Variants in VTI1A observed in about 807,000 individuals in gnomAD.
VTI1A encodes vesicle transport through interaction with t-SNAREs 1A, also known as vesicle transport through interaction with t-SNAREs homolog 1A.
In VTI1A, 22 loss-of-function variants were observed where a neutral mutation model predicts 34.9. The ratio of observed to expected loss-of-function variants is 0.63; its 90% CI spans 0.45 to 0.90. The LOEUF is 0.90. Among genes scored for constraint, VTI1A ranks in the 40% least tolerant of loss-of-function variants. The pLI is 0.00. For missense variants in VTI1A, 268 were observed against 275.6 expected, an observed-to-expected ratio of 0.97 and a Z score of 0.20; for synonymous variants, 87 against 97.3, an observed-to-expected ratio of 0.89 and a Z score of 0.62.
rs75994110 is a variant in VTI1A, at chr10:112,569,908, C to T, written c.427+31578C>T. On this transcript the variant is annotated intron_variant, in intron 5 of 7. Coordinates refer to ENST00000393077, the MANE Select transcript of VTI1A (RefSeq NM_145206.4). ...GAAGCTAATAGGAACCTAGAAGAAC[C>T]TGTGCTTTGAAACTTTACATGCCTA... is the stretch of plus-strand genomic sequence containing the variant. Among the ~76,000 whole-genome samples the T allele has an allele frequency of 7.0e-3, 1,070 of 152,312 alleles. 15 individuals carry two copies. Among genetic ancestry groups the T allele is most frequent in the African/African-American group, 0.024 (994 of 41,568 alleles).
At chr10:112,726,649 A>G (rs1469194265) in intron 7 of VTI1A, among the ~76,000 whole-genome samples, 1 of 152,218 alleles carries the variant, frequency 6.6e-6, no homozygotes, top group Non-Finnish European at 1.5e-5. Flanking sequence ...CCACATACCT[A>G]TTTGTACATT....
intron 7 of VTI1A, among the ~76,000 whole-genome samples, chr10:112,727,902 C>T (rs1263237699): frequency 6.6e-6 from 1 of 152,068 alleles, no homozygotes; most frequent in Non-Finnish European, 1.5e-5. Context: ...CCTTTAAAAA[C>T]TGGGCTTGTA....
chr10:112,725,870 C>T (rs952981952), intron 7 of VTI1A, among the ~76,000 whole-genome samples: 2 of 152,212 alleles, frequency 1.3e-5, no homozygotes, highest in African/African-American at 2.4e-5. Flanking sequence ...ACTCTTTGAT[C>T]GGTGAGATCC....
chr10:112,515,280 C>T (rs1463799896), intron 3 of VTI1A, among the ~76,000 whole-genome samples: 1 of 151,920 alleles, frequency 6.6e-6, no homozygotes, highest in Non-Finnish European at 1.5e-5. Flanking sequence ...AGAAAGGGAA[C>T]AGGATTCAAC....
chr10:112,568,945 G>A (rs567157675), intron 5 of VTI1A, among the ~76,000 whole-genome samples: 2 of 151,958 alleles, frequency 1.3e-5, no homozygotes, highest in South Asian at 2.1e-4. Context: ...ACCTGAGGTC[G>A]GGAGTTTGAG....
At chr10:112,695,639 C>T (rs1848757663) in intron 7 of VTI1A, among the ~76,000 whole-genome samples, 1 of 152,276 alleles carries the variant, frequency 6.6e-6, no homozygotes, top group Non-Finnish European at 1.5e-5. Flanking sequence ...CTGGGAGGCT[C>T]ATTCCAGGAA....
At chr10:112,622,406 A>G (rs1845767194) in intron 5 of VTI1A, among the ~76,000 whole-genome samples, 1 of 151,768 alleles carries the variant, frequency 6.6e-6, no homozygotes, top group African/African-American at 2.4e-5. Context: ...GCAGACCAAG[A>G]GTGCTATTTT....
chr10:112,550,706 T>C (rs1851317790), intron 5 of VTI1A, among the ~76,000 whole-genome samples: 2 of 152,194 alleles, frequency 1.3e-5, no homozygotes, highest in South Asian at 4.1e-4. Context: ...GTTGCCCTTC[T>C]GTATCTTAAG....
intron 7 of VTI1A, among the ~76,000 whole-genome samples, chr10:112,774,552 G>A (rs1449699592): frequency 6.6e-6 from 1 of 152,092 alleles, no homozygotes; most frequent in Non-Finnish European, 1.5e-5. Context: ...ATCTCAGGAG[G>A]AACAACTTTA....
intron 2 of VTI1A, among the ~76,000 whole-genome samples, chr10:112,463,270 A>G (rs1022861625): frequency 4.6e-5 from 7 of 152,152 alleles, no homozygotes; most frequent in African/African-American, 1.4e-4. Flanking sequence ...CACTTCTGCT[A>G]TCTTGTATAG....
chr10:112,463,161 G>A (rs182319699), intron 2 of VTI1A, among the ~76,000 whole-genome samples: 1,770 of 152,228 alleles, frequency 0.012, 14 homozygotes, highest in Non-Finnish European at 0.019. Context: ...CTGACCTCAG[G>A]TGATCTACCT....
intron 7 of VTI1A, chr10:112,677,752 A>G (rs961853277): frequency 5.2e-5 from 8 of 152,386 alleles, no homozygotes; most frequent in African/African-American, 1.4e-4. Context: ...GCCCTTGATA[A>G]CCAGTTGATA....
intron 7 of VTI1A, among the ~76,000 whole-genome samples, chr10:112,804,838 A>T (rs1050487352): frequency 6.9e-6 from 1 of 144,004 alleles, no homozygotes; most frequent in African/African-American, 2.6e-5. Flanking sequence ...GGGCCGCCCT[A>T]GGTAGATTAT....
At chr10:112,465,556 C>A (rs1847868381) in intron 3 of VTI1A, among the ~76,000 whole-genome samples, 2 of 152,202 alleles carry the variant, frequency 1.3e-5, no homozygotes, top group African/African-American at 2.4e-5. Context: ...CTGTCACATG[C>A]AACAACTTGA....
chr10:112,646,919 A>C (rs1017806504), intron 5 of VTI1A, among the ~76,000 whole-genome samples: 3 of 151,938 alleles, frequency 2.0e-5, no homozygotes, highest in Non-Finnish European at 2.9e-5. Flanking sequence ...ATATCATTCT[A>C]CTCCATCTAA....
chr10:112,842,050 C>CTTTTTTTTTTTTTTTTTTTTTTTTTT, the VTI1A span, among the ~76,000 whole-genome samples: 1 of 93,166 alleles, frequency 1.1e-5, no homozygotes, highest in Non-Finnish European at 2.1e-5. Context: ...TTTTTTTTTT[C>CTTTTTTTTTTTTTTTTTTTTTTTTTT]CTTTTTTTTT....
intron 5 of VTI1A, among the ~76,000 whole-genome samples, chr10:112,655,344 G>T (rs990117635): frequency 5.3e-5 from 8 of 152,146 alleles, no homozygotes; most frequent in Non-Finnish European, 1.0e-4. Flanking sequence ...AAACCAAGGA[G>T]TAAAGAGAAG....
At chr10:112,811,836 C>T (rs909512686) in intron 7 of VTI1A, among the ~76,000 whole-genome samples, 1 of 152,182 alleles carries the variant, frequency 6.6e-6, no homozygotes, top group Admixed American at 6.5e-5. Context: ...TGCAGTGCCG[C>T]GCCTGTCCCC....
At chr10:112,717,108 G>A (rs979323861) in intron 7 of VTI1A, among the ~76,000 whole-genome samples, 1 of 152,174 alleles carries the variant, frequency 6.6e-6, no homozygotes, top group Non-Finnish European at 1.5e-5. Context: ...AGATTCCACC[G>A]AAGGGACATT....
Sources: allele counts gnomAD v4.1 joint callset (sites outside exome capture counted in the v4.1 genomes callset), GRCh38; gene constraint gnomAD v4.1.1; transcripts MANE v1.5; gene names NCBI Gene and HGNC (gene_info 2026-07-23, HGNC 2026-07-21).